The following DNAJC1 variants were observed in gnomAD, a reference collection of about 807,000 sequenced individuals.
DNAJC1 encodes dnaJ homolog subfamily C member 1.
DNAJC1 carries 58 observed loss-of-function variants against 76.6 expected under a neutral mutation model. That is an observed-to-expected ratio of 0.76 (90% confidence interval 0.61 to 0.94). DNAJC1 has a LOEUF of 0.94. DNAJC1 is among the 40% of genes least tolerant of loss of function. The pLI is 0.00. For synonymous variants in DNAJC1, 258 were observed against 267.9 expected (o/e 0.96, Z 0.36); for missense variants, 689 against 677.3 (o/e 1.02, Z -0.19).
At chr10:21,835,670 G>A (rs183315982) in intron 8 of DNAJC1, among the ~76,000 whole-genome samples, 3 of 152,320 alleles carry the variant, frequency 2.0e-5, no homozygotes, top group Admixed American at 6.5e-5. Flanking sequence ...CGAGAGCTAC[G>A]TGACGAATGC....
chr10:21,978,365 T>C (rs1000883653), intron 1 of DNAJC1, among the ~76,000 whole-genome samples: 1 of 152,118 alleles, frequency 6.6e-6, no homozygotes, highest in Non-Finnish European at 1.5e-5. Context: ...AGTATAGAAT[T>C]TGAAAGCCTC....
At chr10:21,783,286 G>A (rs918868333) in intron 9 of DNAJC1, among the ~76,000 whole-genome samples, 5 of 152,136 alleles carry the variant, frequency 3.3e-5, no homozygotes, top group Admixed American at 2.6e-4. Flanking sequence ...AATCATGAGT[G>A]AACACCCATT....
chr10:21,994,647 C>T (rs568374504), intron 1 of DNAJC1, among the ~76,000 whole-genome samples: 1 of 152,076 alleles, frequency 6.6e-6, no homozygotes, highest in South Asian at 2.1e-4. Context: ...AAAAATTAGA[C>T]AGGCATGGTG....
chr10:21,987,734 T>A (rs1258501323), intron 1 of DNAJC1, among the ~76,000 whole-genome samples: 1 of 152,204 alleles, frequency 6.6e-6, no homozygotes, highest in African/African-American at 2.4e-5. Context: ...ATTTATCCAA[T>A]GTGTTTTAAT....
At chr10:21,983,240 A>C (rs992783564) in intron 1 of DNAJC1, among the ~76,000 whole-genome samples, 1 of 152,196 alleles carries the variant, frequency 6.6e-6, no homozygotes, top group Non-Finnish European at 1.5e-5. Flanking sequence ...CGGATAAATA[A>C]AAGTGGTATA....
rs1590030822 is a variant in DNAJC1, at chr10:21,882,496, C to A, written c.821-57G>T. 28 of 1,169,530 alleles carry A rather than the reference C, an allele frequency of 2.4e-5. No homozygotes were observed. The East Asian group carries it at 7.7e-4, about 32-fold the overall frequency. The allele number at this position is 1,169,530 out of a possible 1,614,324, so 72.4% of individuals were successfully genotyped here. On this transcript the variant is annotated intron_variant, in intron 7 of 11. Transcript: ENST00000376980. ...GATTTTTAAAGAATAAAATTAATTTCTAACATTTTATTCATAGACCATATC... is the reference window on the plus strand; with the variant it reads ...GATTTTTAAAGAATAAAATTAATTTATAACATTTTATTCATAGACCATATC...
intron 8 of DNAJC1, among the ~76,000 whole-genome samples, chr10:21,861,690 T>C (rs1349716910): frequency 6.6e-6 from 1 of 152,086 alleles, no homozygotes; most frequent in Non-Finnish European, 1.5e-5. Context: ...GAGTGACCTC[T>C]GGTGGTCCTC....
chr10:21,840,116 C>T lies in DNAJC1; in HGVS notation c.979-34017G>A, dbSNP rs187185068. Reference sequence around the variant, plus strand: ...GGGACGCATCTCAAAATAATAAGAGCTATCTATGACAAACTCACAGCCAAT... The same window carrying T: ...GGGACGCATCTCAAAATAATAAGAGTTATCTATGACAAACTCACAGCCAAT... On this transcript the variant is annotated intron_variant, in intron 8 of 11. Coordinates refer to ENST00000376980, the MANE Select transcript of DNAJC1 (RefSeq NM_022365.4). Among the ~76,000 whole-genome samples, 15 of 152,254 alleles carry T rather than the reference C, an allele frequency of 9.9e-5. No homozygotes were observed. The East Asian group carries it at 2.5e-3, about 25-fold the overall frequency.
chr10:21,943,043 T>C (rs893614411), intron 1 of DNAJC1, among the ~76,000 whole-genome samples: 13 of 152,004 alleles, frequency 8.6e-5, no homozygotes, highest in African/African-American at 3.1e-4. Context: ...AATTTTTTTT[T>C]CAAGACAGAA....
intron 1 of DNAJC1, among the ~76,000 whole-genome samples, chr10:21,937,344 T>A (rs1837325519): frequency 6.6e-6 from 1 of 152,050 alleles, no homozygotes; most frequent in South Asian, 2.1e-4. Flanking sequence ...TAAAATCAAT[T>A]TTAACACAAA....
chr10:21,756,903 G>A (rs1461515360), intron 11 of DNAJC1, 148 bp from the exon 12 acceptor site: 4 of 683,144 alleles, frequency 5.9e-6, no homozygotes, highest in South Asian at 3.6e-5. Flanking sequence ...GAGTCCAGTC[G>A]CTCACAAGGC....
chr10:22,003,334 A>G lies in DNAJC1; in HGVS notation c.101T>C (p.Leu34Pro). 1 of 1,505,950 alleles carries G rather than the reference A, an allele frequency of 6.6e-7. No individual in the cohort carries two copies. The highest frequency in any genetic ancestry group is 8.9e-7 in the Non-Finnish European group (1 of 1,127,212). The allele number at this position is 1,505,950 out of a possible 1,614,324, so 93.3% of individuals were successfully genotyped here. ...CACGGCGGCCAGCAGCAGCAGCAGCAGCCACAGCAGCGGCGTCCGCGGCGG... is the reference window on the plus strand; with the variant it reads ...CACGGCGGCCAGCAGCAGCAGCAGCGGCCACAGCAGCGGCGTCCGCGGCGG... Reference protein sequence around the residue: ...PPPPRTPLLWLLLLLLAAVAP... With the variant: ...PPPPRTPLLWPLLLLLAAVAP... Residue 34 changes from leucine (L) to proline (P), a missense_variant, in exon 1 of 12, where the codon CTG (leucine) becomes CCG (proline). Transcript: ENST00000376980.
chr10:21,870,071 A>T (rs1564812890), intron 8 of DNAJC1, among the ~76,000 whole-genome samples: 2 of 152,086 alleles, frequency 1.3e-5, no homozygotes, highest in African/African-American at 2.4e-5. Context: ...TAGCAAATCA[A>T]ATCAAATAAC....
intron 8 of DNAJC1, among the ~76,000 whole-genome samples, chr10:21,807,992 TTAA>T (rs1455273793): frequency 2.0e-5 from 3 of 152,178 alleles, no homozygotes; most frequent in Non-Finnish European, 4.4e-5. Context: ...CTAAAAAGCT[TTAA>T]TAAGTAGACC....
rs904932124 is a variant in DNAJC1 at position 21,867,603 on chromosome 10, G to A, written c.978+14679C>T. Among the ~76,000 whole-genome samples the A allele has an allele frequency of 4.6e-5, 7 of 152,172 alleles. 1 individual carries two copies. Among genetic ancestry groups the A allele is most frequent in the African/African-American group, 1.4e-4 (6 of 41,462 alleles). Reference sequence around the variant, plus strand: ...ATTGAAATAGCTGCAGCTAGGGACCGATAAGACCCTGAAAACCCAGGAGTA... The same window carrying A: ...ATTGAAATAGCTGCAGCTAGGGACCAATAAGACCCTGAAAACCCAGGAGTA... On this transcript the variant is annotated intron_variant, in intron 8 of 11. Transcript: ENST00000376980.
At chr10:21,861,489 T>C (rs935441083) in intron 8 of DNAJC1, among the ~76,000 whole-genome samples, 2 of 152,094 alleles carry the variant, frequency 1.3e-5, no homozygotes, top group African/African-American at 4.8e-5. Flanking sequence ...AGCAACTCCA[T>C]CTTGAGTAGG....
At chr10:21,871,645 G>GTTA (rs1230122904) in intron 8 of DNAJC1, among the ~76,000 whole-genome samples, 1 of 151,756 alleles carries the variant, frequency 6.6e-6, no homozygotes, top group Non-Finnish European at 1.5e-5. Flanking sequence ...TCTAATTTTC[G>GTTA]TTATTATTAT....
chr10:21,833,253 C>G (rs1431644238), intron 8 of DNAJC1, among the ~76,000 whole-genome samples: 2 of 152,036 alleles, frequency 1.3e-5, no homozygotes, highest in African/African-American at 2.4e-5. Context: ...AGGTGGATCA[C>G]AAGGTCAGGA....
intron 8 of DNAJC1, among the ~76,000 whole-genome samples, chr10:21,827,203 C>T (rs751311877): frequency 2.0e-5 from 3 of 152,166 alleles, no homozygotes; most frequent in Non-Finnish European, 4.4e-5. Context: ...TGTCCAGTTA[C>T]TACCACTTGC....
Sources: allele counts gnomAD v4.1 joint callset (sites outside exome capture counted in the v4.1 genomes callset), GRCh38; gene constraint gnomAD v4.1.1; transcripts MANE v1.5; gene names NCBI Gene and HGNC (gene_info 2026-07-23, HGNC 2026-07-21).